The following COPS7B variants were observed in gnomAD, a reference collection of about 807,000 sequenced individuals.
COPS7B encodes COP9 signalosome complex subunit 7b.
A neutral mutation model predicts 33.4 loss-of-function variants in COPS7B; 9 were observed. The ratio of observed to expected loss-of-function variants is 0.27; its 90% CI spans 0.16 to 0.47. The LOEUF is 0.47. Ranked by LOEUF, COPS7B falls within the 20% of genes least tolerant of loss-of-function variation. The pLI is 0.99. For synonymous variants in COPS7B, 119 were observed against 126.3 expected, an observed-to-expected ratio of 0.94 and a Z score of 0.39; for missense variants, 242 against 318.2, an observed-to-expected ratio of 0.76 and a Z score of 1.82.
rs1455915371 is a variant in COPS7B, at chr2:231,792,306, A to T, written c.238+498A>T. ...GAGGAGTTTTACACCAGCCTGGCCA[A>T]CATGGTGAAACCCTGTCTCTACTAA... On this transcript the variant is annotated intron_variant, in intron 3 of 6. Transcript: ENST00000350033. 42 of 293,406 alleles carry T rather than the reference A, an allele frequency of 1.4e-4. 1 individual carries two copies. Among genetic ancestry groups the T allele is most frequent in the Middle Eastern group, 2.6e-3 (2 of 782 alleles). 18.2% of individuals were successfully genotyped at this position (293,406 alleles called of 1,614,324 possible). A position where few individuals can be genotyped will look rare whatever the true frequency, so the allele number is the denominator to read the frequency against.
chr2:231,805,763 C>T (rs529360830), intron 6 of COPS7B, among the ~76,000 whole-genome samples: 182 of 152,106 alleles, frequency 1.2e-3, no homozygotes, highest in African/African-American at 4.2e-3. Flanking sequence ...CTGCCTCAGC[C>T]ACTTGAGTAG....
rs141438971 is a variant in COPS7B at position 231,805,745 on chromosome 2, C to T, written c.637-1742C>T. 8.8e-3 allele frequency among the ~76,000 whole-genome samples: 1,324 copies of T among 151,176 alleles called. 9 individuals are homozygous for T. Among genetic ancestry groups the T allele is most frequent in the Non-Finnish European group, 0.013 (899 of 67,836 alleles). On this transcript the variant is annotated intron_variant, in intron 6 of 6. Coordinates refer to ENST00000350033, the MANE Select transcript of COPS7B (RefSeq NM_022730.4). ...GTAGCCTCTACCTCTTGGGCTTAAG[C>T]GATCCTCCTGCCTCAGCCACTTGAG...
At chr2:231,802,334 C>A (rs1192993279) in intron 6 of COPS7B, among the ~76,000 whole-genome samples, 1 of 152,188 alleles carries the variant, frequency 6.6e-6, no homozygotes, top group African/African-American at 2.4e-5. Flanking sequence ...TTCTCTTTTT[C>A]TTTGTAGCAC....
chr2:231,789,311 A>C (rs1191465105), intron 2 of COPS7B, among the ~76,000 whole-genome samples: 1 of 152,258 alleles, frequency 6.6e-6, no homozygotes, highest in Non-Finnish European at 1.5e-5. Flanking sequence ...AAAAATGAGA[A>C]GATCCATTGA....
intron 6 of COPS7B, among the ~76,000 whole-genome samples, chr2:231,800,432 A>G (rs1045057746): frequency 6.6e-6 from 1 of 152,212 alleles, no homozygotes; most frequent in Non-Finnish European, 1.5e-5. Context: ...CTTCCCTATA[A>G]ATCAAACTCT....
At chr2:231,796,963 C>T (rs1225880756) in intron 5 of COPS7B, among the ~76,000 whole-genome samples, 1 of 152,234 alleles carries the variant, frequency 6.6e-6, no homozygotes. Context: ...AGAGCTGTCT[C>T]ACATTCTACG....
chr2:231,794,003 C>G (rs1032227567), intron 3 of COPS7B: 1 of 456,470 alleles, frequency 2.2e-6, no homozygotes, highest in Admixed American at 3.6e-5. Flanking sequence ...AAATAGTACT[C>G]CATTAAGATA....
At chr2:231,804,408 C>T (rs1202024258) in intron 6 of COPS7B, among the ~76,000 whole-genome samples, 1 of 151,986 alleles carries the variant, frequency 6.6e-6, no homozygotes, top group African/African-American at 2.4e-5. Flanking sequence ...CCACGTCACC[C>T]GGCTAACTTT....
chr2:231,794,040 T>A, intron 3 of COPS7B: 1 of 519,530 alleles, frequency 1.9e-6, no homozygotes, highest in Non-Finnish European at 3.4e-6. Flanking sequence ...GCTTGTTTGC[T>A]TTTTAGGAGA....
chr2:231,786,547 T>C lies in COPS7B; in HGVS notation c.-17+9T>C. On this transcript the variant is annotated intron_variant, in intron 1 of 6. Coordinates refer to ENST00000350033, the MANE Select transcript of COPS7B (RefSeq NM_022730.4). ...AGAGGTGGCGTGGACAGGTAGGAGC[T>C]AGCGAGAGGGTGGGCCGAGCGGGGC... 2.0e-6 allele frequency: 2 copies of C among 981,758 alleles called. No individual in the cohort carries two copies. The highest frequency in any genetic ancestry group is 2.4e-6 in the Non-Finnish European group (2 of 826,538). 60.8% of individuals were successfully genotyped at this position (981,758 alleles called of 1,614,324 possible).
intron 5 of COPS7B, among the ~76,000 whole-genome samples, chr2:231,797,198 G>A (rs931987157): frequency 1.3e-5 from 2 of 152,102 alleles, no homozygotes; most frequent in Non-Finnish European, 2.9e-5. Context: ...GCTCATCCCC[G>A]AGAGAAGCAT....
chr2:231,788,476 G>T, intron 1 of COPS7B, 79 bp from the exon 2 acceptor site: 1 of 1,291,092 alleles, frequency 7.7e-7, no homozygotes. Flanking sequence ...AAGTATTCTG[G>T]TGTTTGATTC....
In COPS7B at chr2:231,791,965, G is replaced by A. The variant is rs183050870; in HGVS notation, c.238+157G>A. On this transcript the variant is annotated intron_variant, in intron 3 of 6. Transcript: ENST00000350033. ...TGCCCGGTGGGTGACCTCACAAAGG[G>A]AATGTTCCTTCTCACCTTTTATATT... 1.3e-4 allele frequency: 92 copies of A among 715,972 alleles called. No homozygotes were observed. The Admixed American group carries it at 1.9e-3, about 14-fold the overall frequency. 44.4% of individuals were successfully genotyped at this position (715,972 alleles called of 1,614,324 possible). A position where few individuals can be genotyped will look rare whatever the true frequency, so the allele number is the denominator to read the frequency against.
chr2:231,786,119 CA>C (rs1250094422), upstream of COPS7B: 4 of 152,248 alleles, frequency 2.6e-5, no homozygotes, highest in South Asian at 8.3e-4. Context: ...TCTCGGTGCC[CA>C]GGGGTAGCGC....
chr2:231,808,843 T>TGTGTGTGTGTGTG lies in COPS7B; in HGVS notation c.*1198_*1199insGTGTGTGTGTGTG, dbSNP rs768085229. On this transcript the variant is annotated 3_prime_UTR_variant, in exon 7 of 7. Coordinates refer to ENST00000350033, the MANE Select transcript of COPS7B (RefSeq NM_022730.4). ...TGTGTGTGTGTGTGTGTGTGTGTGT[T>TGTGTGTGTGTGTG]TGTAGGTCCTGGACTGATTAAAGTT... The TGTGTGTGTGTGTG allele has an allele frequency of 2.5e-4, 25 of 102,024 alleles. No individual in the cohort carries two copies. The highest frequency in any genetic ancestry group is 1.3e-3 in the African/African-American group (23 of 17,286). The allele number at this position is 102,024 out of a possible 1,614,324, so 6.3% of individuals were successfully genotyped here. A position where few individuals can be genotyped will look rare whatever the true frequency, so the allele number is the denominator to read the frequency against.
At chr2:231,791,224 T>G (rs2049407868) in intron 2 of COPS7B, 1 of 155,620 alleles carries the variant, frequency 6.4e-6, no homozygotes, top group Non-Finnish European at 1.4e-5. Flanking sequence ...ATACCCTGGT[T>G]TTCTGTCCCA....
At chr2:231,801,775 C>CT (rs906218036) in intron 6 of COPS7B, among the ~76,000 whole-genome samples, 1 of 151,350 alleles carries the variant, frequency 6.6e-6, no homozygotes, top group African/African-American at 2.4e-5. Flanking sequence ...ACCTACTTTT[C>CT]TTTTTTTCTT....
At chr2:231,796,872 T>C (rs1159485513) in intron 5 of COPS7B, among the ~76,000 whole-genome samples, 1 of 152,244 alleles carries the variant, frequency 6.6e-6, no homozygotes, top group Non-Finnish European at 1.5e-5. Flanking sequence ...ATACAAAGAA[T>C]ATCTGATAAC....
chr2:231,781,816 A>G, upstream of COPS7B: 4 of 1,550,656 alleles, frequency 2.6e-6, no homozygotes, highest in Non-Finnish European at 1.7e-6. Context: ...TCTCACCCTC[A>G]AAAGAAGATG....
Sources: gnomAD v4.1 joint callset for allele counts (sites outside exome capture counted in the v4.1 genomes callset) on GRCh38, gnomAD v4.1.1 for gene constraint, MANE v1.5 for transcripts, NCBI Gene and HGNC (gene_info 2026-07-23, HGNC 2026-07-21) for gene names.